THSD7B: variants seen among roughly 807,000 people sequenced by gnomAD.
The protein encoded by THSD7B is thrombospondin type-1 domain-containing protein 7B.
THSD7B carries 138 observed loss-of-function variants against 213.6 expected under a neutral mutation model. The observed-to-expected ratio is 0.65, with a 90% confidence interval of 0.56 to 0.74. THSD7B has a LOEUF of 0.74. Ranked by LOEUF, THSD7B falls within the 30% of genes least tolerant of loss-of-function variation. The pLI, the probability that THSD7B is intolerant of heterozygous loss-of-function variation, is 0.00. For synonymous variants in THSD7B, 742 were observed against 687.0 expected, an observed-to-expected ratio of 1.08 and a Z score of -1.25; for missense variants, 1,931 against 1,991.5, an observed-to-expected ratio of 0.97 and a Z score of 0.58.
intron 5 of THSD7B, chr2:137,156,192 G>A (rs1369936498): frequency 6.6e-6 from 1 of 152,176 alleles, no homozygotes; most frequent in African/African-American, 2.4e-5. Flanking sequence ...TCTGAAGCTG[G>A]TAAGTTCTTT....
At chr2:137,129,670 G>T (rs946981982) in intron 5 of THSD7B, among the ~76,000 whole-genome samples, 2 of 151,980 alleles carry the variant, frequency 1.3e-5, no homozygotes, top group Admixed American at 1.3e-4. Context: ...CTAACTTTTG[G>T]CCTCAAGCGA....
At chr2:137,223,229 G>A (rs1377353187) in intron 7 of THSD7B, among the ~76,000 whole-genome samples, 1 of 152,110 alleles carries the variant, frequency 6.6e-6, no homozygotes, top group Non-Finnish European at 1.5e-5. Flanking sequence ...TGGACCAGAA[G>A]ATAGGAAAAC....
intron 2 of THSD7B, among the ~76,000 whole-genome samples, chr2:136,936,887 A>G (rs1419606117): frequency 6.6e-6 from 1 of 152,174 alleles, no homozygotes; most frequent in African/African-American, 2.4e-5. Context: ...CCTAAATGCC[A>G]ATAGACACAC....
chr2:137,160,031 C>T (rs1487147288), intron 5 of THSD7B, among the ~76,000 whole-genome samples, 182 bp from the exon 6 acceptor site: 2 of 152,214 alleles, frequency 1.3e-5, no homozygotes, highest in African/African-American at 2.4e-5. Flanking sequence ...TGCCTTTTCT[C>T]AACCAAAATA....
chr2:137,487,176 G>A (rs1688471210), intron 15 of THSD7B, among the ~76,000 whole-genome samples: 1 of 148,536 alleles, frequency 6.7e-6, no homozygotes, highest in Non-Finnish European at 1.5e-5. Context: ...AGACCATCCT[G>A]GCTAACAAGG....
chr2:137,255,549 T>G (rs1423228127), intron 10 of THSD7B, among the ~76,000 whole-genome samples: 2 of 152,148 alleles, frequency 1.3e-5, no homozygotes, highest in Non-Finnish European at 2.9e-5. Flanking sequence ...GCCGTGCGAC[T>G]TGGTGAACTC....
chr2:137,565,533 C>T (rs1573712892), intron 16 of THSD7B, among the ~76,000 whole-genome samples: 1 of 152,158 alleles, frequency 6.6e-6, no homozygotes, highest in African/African-American at 2.4e-5. Flanking sequence ...AAGGGTTCCA[C>T]CTTCAAGACT....
At chr2:136,850,305 C>G (rs997302243) in intron 1 of THSD7B, among the ~76,000 whole-genome samples, 4 of 56,572 alleles carry the variant, frequency 7.1e-5, no homozygotes, top group African/African-American at 2.6e-4. Flanking sequence ...TAGGTCATTT[C>G]AATATTATGC....
intron 2 of THSD7B, among the ~76,000 whole-genome samples, chr2:136,885,705 C>G (rs982216367): frequency 2.6e-5 from 4 of 152,118 alleles, no homozygotes; most frequent in Non-Finnish European, 5.9e-5. Context: ...TCACTTATTT[C>G]TAGTAATACT....
At chr2:137,370,355 A>G (rs909639903) in intron 12 of THSD7B, among the ~76,000 whole-genome samples, 3 of 152,174 alleles carry the variant, frequency 2.0e-5, no homozygotes, top group Admixed American at 6.6e-5. Flanking sequence ...ACTACTATCA[A>G]TTATTTCAGC....
chr2:137,074,066 T>G (rs1047188509), intron 3 of THSD7B, among the ~76,000 whole-genome samples: 16 of 151,772 alleles, frequency 1.1e-4, no homozygotes, highest in Admixed American at 7.2e-4. Flanking sequence ...ATTCTGTTGA[T>G]TTGGGGTGGA....
chr2:137,349,797 G>A (rs1684966358), intron 12 of THSD7B, among the ~76,000 whole-genome samples: 1 of 151,460 alleles, frequency 6.6e-6, no homozygotes, highest in African/African-American at 2.4e-5. Flanking sequence ...CCGTGACAAT[G>A]ATAATATGCT....
intron 13 of THSD7B, among the ~76,000 whole-genome samples, chr2:137,409,020 G>A (rs545218642): frequency 1.1e-4 from 16 of 152,130 alleles, no homozygotes; most frequent in Admixed American, 2.0e-4. Context: ...ACATGCTAGC[G>A]GCAGAGTGGT....
chr2:137,448,585 A>T (rs1687586992), intron 14 of THSD7B, among the ~76,000 whole-genome samples: 1 of 152,088 alleles, frequency 6.6e-6, no homozygotes, highest in South Asian at 2.1e-4. Context: ...CGAGGCGGGC[A>T]GATCACGAGG....
intron 17 of THSD7B, among the ~76,000 whole-genome samples, chr2:137,582,753 G>T (rs1431274050): frequency 6.6e-6 from 1 of 152,022 alleles, no homozygotes; most frequent in Non-Finnish European, 1.5e-5. Context: ...TGGACATTTG[G>T]GTTGGTTCCA....
chr2:137,547,396 T>G (rs1225908904), intron 15 of THSD7B, among the ~76,000 whole-genome samples: 3 of 152,054 alleles, frequency 2.0e-5, no homozygotes, highest in Non-Finnish European at 2.9e-5. Flanking sequence ...GCCTTAGAAC[T>G]GCTTCTTCAT....
At chr2:137,325,421 C>T (rs1684348271) in intron 12 of THSD7B, among the ~76,000 whole-genome samples, 1 of 152,118 alleles carries the variant, frequency 6.6e-6, no homozygotes. Context: ...ACACAGGAAA[C>T]CTGGTGGTGG....
At chr2:137,661,502 C>T (rs772008373) in intron 25 of THSD7B, among the ~76,000 whole-genome samples, 3 of 151,818 alleles carry the variant, frequency 2.0e-5, no homozygotes, top group Non-Finnish European at 4.4e-5. Flanking sequence ...CGTAGTTTGA[C>T]ATGGTTATGT....
At chr2:137,519,187 G>A (rs1426192573) in intron 15 of THSD7B, among the ~76,000 whole-genome samples, 7 of 152,040 alleles carry the variant, frequency 4.6e-5, no homozygotes, top group African/African-American at 1.7e-4. Flanking sequence ...AGGAGGTGGA[G>A]GTTGCAGTGA....
Sources: gnomAD v4.1 joint callset for allele counts (sites outside exome capture counted in the v4.1 genomes callset) on GRCh38, gnomAD v4.1.1 for gene constraint, MANE v1.5 for transcripts, NCBI Gene and HGNC (gene_info 2026-07-23, HGNC 2026-07-21) for gene names.